The following TET2 variants were observed in gnomAD, a reference collection of about 807,000 sequenced individuals.
TET2 encodes the protein methylcytosine dioxygenase TET2.
TET2 carries 299 observed loss-of-function variants against 142.9 expected under a neutral mutation model. The observed-to-expected ratio is 2.09, with a 90% CI of 1.90 to 2.30. The LOEUF is 2.30. Among genes scored for constraint, TET2 ranks in the 30% most tolerant of loss-of-function variants. The pLI is 0.00. For synonymous variants in TET2, 819 were observed against 849.0 expected, an observed-to-expected ratio of 0.96 and a Z score of 0.61; for missense variants, 2,418 against 2,378.0, an observed-to-expected ratio of 1.02 and a Z score of -0.35.
chr4:105,184,542 TAGG>T (rs1725311064), intron 1 of TET2, among the ~76,000 whole-genome samples: 2 of 152,216 alleles, frequency 1.3e-5, no homozygotes, highest in African/African-American at 4.8e-5. Flanking sequence ...TTGTCTATGT[TAGG>T]AGGAGCAGGA....
In TET2 at chr4:105,224,684, GTCTCTCTCTCTC is replaced by G. The variant is rs34870510; in HGVS notation, c.-46-9181_-46-9170del. ...GTTAACATAATTGACATATCAGCCAGTCTCTCTCTCTCTCTCTCTCTCTCTCTCTCTCTCTCT... is the reference window on the plus strand; with the variant it reads ...GTTAACATAATTGACATATCAGCCAGTCTCTCTCTCTCTCTCTCTCTCTCT... On this transcript the variant is annotated intron_variant, in intron 2 of 10. Transcript: ENST00000380013. Among the ~76,000 whole-genome samples, 584 of 108,144 alleles carry G rather than the reference GTCTCTCTCTCTC, an allele frequency of 5.4e-3. 3 individuals carry two copies. The highest frequency in any genetic ancestry group is 0.018 in the African/African-American group (495 of 28,100). 70.9% of individuals were successfully genotyped at this position (108,144 alleles called of 152,430 possible).
In TET2 at chr4:105,275,861, A is replaced by G; in HGVS notation, c.5351A>G (p.Asn1784Ser). Residue 1784 changes from asparagine to serine, a missense_variant, in exon 11 of 11, where the codon AAC becomes AGC. Coordinates refer to ENST00000380013, the MANE Select transcript of TET2 (RefSeq NM_001127208.3). ...NSSLHALHLQNKENDMLSHTA... is the reference protein window; with the variant it reads ...NSSLHALHLQSKENDMLSHTA... Reference sequence around the variant, plus strand: ...TCTCTTCATGCCCTGCATCTCCAAAACAAGGAGAATGACATGCTTTCCCAC... The same window carrying G: ...TCTCTTCATGCCCTGCATCTCCAAAGCAAGGAGAATGACATGCTTTCCCAC... The G allele has an allele frequency of 6.4e-7, 1 of 1,551,942 alleles. No individual in the cohort carries two copies. The highest frequency in any genetic ancestry group is 2.0e-5 in the Admixed American group (1 of 51,004).
intron 2 of TET2, among the ~76,000 whole-genome samples, chr4:105,206,382 A>G (rs1306260570): frequency 6.6e-6 from 1 of 152,230 alleles, no homozygotes; most frequent in South Asian, 2.1e-4. Flanking sequence ...TGAGCCTGCT[A>G]CACAGGTATG....
Position 105,236,363 on chromosome 4 carries a change from G to A in TET2, c.2421G>A (p.Glu807=), listed in dbSNP as rs1431107332. 4.3e-6 allele frequency: 7 copies of A among 1,613,850 alleles called. No homozygotes were observed. The highest frequency in any genetic ancestry group is 5.9e-6 in the Non-Finnish European group (7 of 1,180,014). ...FETHNVQMGL[E]EVQNINRRNS... ...CTCATAATGTCCAAATGGGACTGGA[G>A]GAAGTACAGAATATAAATCGTAGAA... Residue 807 remains glutamate (E), a synonymous_variant, in exon 3 of 11, where the codon GAG becomes GAA. Transcript: ENST00000380013.
intron 1 of TET2, among the ~76,000 whole-genome samples, chr4:105,188,404 T>C (rs1382982186): frequency 6.6e-6 from 1 of 152,098 alleles, no homozygotes; most frequent in Non-Finnish European, 1.5e-5. Context: ...GAGTATAGAA[T>C]TTCTGTTTAG....
intron 5 of TET2, among the ~76,000 whole-genome samples, chr4:105,243,163 A>G (rs1729398148): frequency 6.6e-6 from 1 of 152,246 alleles, no homozygotes; most frequent in Non-Finnish European, 1.5e-5. Flanking sequence ...AGTGCCTGCT[A>G]AATGTATAAT....
At chr4:105,146,213 G>A (rs957228099), upstream of TET2, 2 of 152,712 alleles carry the variant, frequency 1.3e-5, no homozygotes, top group Non-Finnish European at 2.9e-5. Flanking sequence ...GTGTGCGCGG[G>A]ACCTCGAAGT....
chr4:105,197,186 T>C (rs1726145031), intron 2 of TET2, among the ~76,000 whole-genome samples: 1 of 152,230 alleles, frequency 6.6e-6, no homozygotes, highest in Non-Finnish European at 1.5e-5. Flanking sequence ...TGTGAGGTTT[T>C]AGCTATTTAG....
Position 105,236,903 on chromosome 4 carries a change from C to G in TET2, c.2961C>G (p.Cys987Trp). 1 of 1,614,092 alleles carries G rather than the reference C, an allele frequency of 6.2e-7. No homozygotes were observed. Among genetic ancestry groups the G allele is most frequent in the Non-Finnish European group, 8.5e-7 (1 of 1,180,016 alleles). Residue 987 changes from cysteine to tryptophan, a missense_variant, in exon 3 of 11, where the codon TGC (cysteine) becomes TGG (tryptophan). Cys to Trp is a radical substitution (Grantham distance 215). Transcript: ENST00000380013. Reference sequence around the variant, plus strand: ...GGCCAATTAAGGTGGAACCTGGATGCAAGCCACATGCCTGTATGCACACAG... The same window carrying G: ...GGCCAATTAAGGTGGAACCTGGATGGAAGCCACATGCCTGTATGCACACAG... The part of the protein sequence containing the change: ...MHRPIKVEPG[C>W]KPHACMHTAP...
intron 3 of TET2, chr4:105,239,514 C>T (rs1729174518): frequency 4.2e-6 from 1 of 238,544 alleles, no homozygotes. Context: ...CTTTATAAAC[C>T]AACTTCTGCT....
At chr4:105,155,851 T>C (rs985178254) in intron 1 of TET2, among the ~76,000 whole-genome samples, 1 of 152,230 alleles carries the variant, frequency 6.6e-6, no homozygotes, top group Non-Finnish European at 1.5e-5. Flanking sequence ...GAATTTTACT[T>C]TTTAAGAGTA....
chr4:105,230,688 A>G (rs1000949794), intron 2 of TET2, among the ~76,000 whole-genome samples: 7 of 152,102 alleles, frequency 4.6e-5, no homozygotes, highest in African/African-American at 1.7e-4. Context: ...TTATTCATTT[A>G]TTTGTAGGCG....
Position 105,276,845 on chromosome 4 carries a change from C to CCCCCCCCCA in TET2, c.*330_*331insCCCCACCCC, listed in dbSNP as rs1271370575. ...GATGATATGTAAATGTGATCCCCCC[C>CCCCCCCCCA]CCCCGCTTACAACTCTACACATCTG... On this transcript the variant is annotated 3_prime_UTR_variant, in exon 11 of 11. Coordinates refer to ENST00000380013, the MANE Select transcript of TET2 (RefSeq NM_001127208.3). The CCCCCCCCCA allele has an allele frequency of 2.4e-4, 51 of 212,900 alleles. No homozygotes were observed. Among genetic ancestry groups the CCCCCCCCCA allele is most frequent in the Non-Finnish European group, 4.1e-4 (44 of 107,726 alleles). 13.2% of individuals were successfully genotyped at this position (212,900 alleles called of 1,614,324 possible).
At chr4:105,164,741 G>A (rs1169896621) in intron 1 of TET2, among the ~76,000 whole-genome samples, 1 of 152,166 alleles carries the variant, frequency 6.6e-6, no homozygotes, top group Admixed American at 6.5e-5. Context: ...GCCAGAGTTG[G>A]CATAGCTTTC....
chr4:105,240,414 C>A (rs944158823), intron 3 of TET2: 1 of 1,071,512 alleles, frequency 9.3e-7, no homozygotes, highest in Admixed American at 5.4e-5. Context: ...TAGATATATA[C>A]GTGGATAGAG....
At chr4:105,216,506 A>G (rs931521036) in intron 2 of TET2, among the ~76,000 whole-genome samples, 13 of 152,100 alleles carry the variant, frequency 8.5e-5, no homozygotes, top group African/African-American at 3.1e-4. Flanking sequence ...CTCCTAAAAG[A>G]TGGATACGAT....
chr4:105,275,405 A>T lies in TET2; in HGVS notation c.4895A>T (p.Gln1632Leu). 2.6e-6 allele frequency: 4 copies of T among 1,551,672 alleles called. No homozygotes were observed. Among genetic ancestry groups the T allele is most frequent in the Non-Finnish European group, 3.5e-6 (4 of 1,146,988 alleles). The stretch of plus-strand genomic sequence containing the variant: ...CAGAATACCCAATATCCATCATATC[A>T]ATGCAATGGAAACCTATCAGTGGAC... ...LNQNTQYPSYQCNGNLSVDNC... is the reference protein window; with the variant it reads ...LNQNTQYPSYLCNGNLSVDNC... Residue 1632 changes from glutamine to leucine, a missense_variant, in exon 11 of 11, where the codon CAA (glutamine) becomes CTA (leucine). Physicochemically the swap from Gln to Leu is moderately radical, Grantham distance 113. Coordinates refer to ENST00000380013, the MANE Select transcript of TET2 (RefSeq NM_001127208.3).
chr4:105,276,283 G>A lies in TET2; in HGVS notation c.5773G>A (p.Ala1925Thr). The A allele has an allele frequency of 6.4e-7, 1 of 1,551,624 alleles. No individual in the cohort carries two copies. The highest frequency in any genetic ancestry group is 8.7e-7 in the Non-Finnish European group (1 of 1,146,968). Residue 1925 changes from alanine to threonine, a missense_variant, in exon 11 of 11, where the codon GCC becomes ACC. Transcript: ENST00000380013. ...TTGGGAAGCCAAAATGGCTGAAAAA[G>A]CCCGTGAGAAAGAGGAAGAGTGTGA... ...ALWEAKMAEKAREKEEECEKY... is the reference protein window; with the variant it reads ...ALWEAKMAEKTREKEEECEKY...
chr4:105,200,527 A>G lies in TET2; in HGVS notation c.-47+10022A>G, dbSNP rs1726392055. On this transcript the variant is annotated intron_variant, in intron 2 of 10. Coordinates refer to ENST00000380013, the MANE Select transcript of TET2 (RefSeq NM_001127208.3). ...TTCTCTGTTGATAGTTTATTTTGCT[A>G]TGAAGAATGTCTTTAGTTTAATTAG... 3.3e-5 allele frequency among the ~76,000 whole-genome samples: 5 copies of G among 152,052 alleles called. No homozygotes were observed. In the South Asian group the frequency reaches 1.0e-3, roughly 31 times the overall value.
Sources: gnomAD v4.1 joint callset for allele counts (sites outside exome capture counted in the v4.1 genomes callset) on GRCh38, gnomAD v4.1.1 for gene constraint, MANE v1.5 for transcripts, NCBI Gene and HGNC (gene_info 2026-07-23, HGNC 2026-07-21) for gene names.